Variants in WEE2 observed in about 807,000 individuals in gnomAD.
The protein encoded by WEE2 is WEE2 oocyte meiosis inhibiting kinase.
WEE2 carries 50 observed loss-of-function variants against 60.1 expected under a neutral mutation model. The ratio of observed to expected loss-of-function variants is 0.83; its 90% CI spans 0.66 to 1.05. The LOEUF (loss-of-function observed/expected upper bound fraction) is 1.05. Ranked by LOEUF, WEE2 falls within the 50% of genes least tolerant of loss-of-function variation. The pLI is 0.00. For synonymous variants in WEE2, 240 were observed against 241.0 expected, an observed-to-expected ratio of 1.00 and a Z score of 0.04; for missense variants, 631 against 684.3, an observed-to-expected ratio of 0.92 and a Z score of 0.87.
intron 1 of WEE2, among the ~76,000 whole-genome samples, chr7:141,710,582 T>C (rs999676134): frequency 6.6e-6 from 1 of 152,182 alleles, no homozygotes; most frequent in African/African-American, 2.4e-5. Context: ...TTGAGCATGA[T>C]GAGAAGGAAT....
rs369051862 is a variant in WEE2 at position 141,719,150 on chromosome 7, G to A, written c.664G>A (p.Glu222Lys). The part of the protein sequence containing the change: ...FLEVEKIGVG[E>K]FGTVYKCIKR... ...GGAGGTTGAAAAAATTGGGGTTGGC[G>A]AATTTGGTACAGTCTACAAGTGCAT... The change falls in exon 4 of 12, where the codon GAA becomes AAA. Residue 222 changes from glutamate to lysine, a missense_variant. Glu to Lys is a moderately conservative substitution (Grantham distance 56). Transcript: ENST00000397541. 6.8e-6 allele frequency: 11 copies of A among 1,613,948 alleles called. No homozygotes were observed. Among genetic ancestry groups the A allele is most frequent in the East Asian group, 2.2e-5 (1 of 44,874 alleles).
rs1798711650 is a variant in WEE2, at chr7:141,711,570, A to C, written c.342+2470A>C. ...TTCACTGTAAGGACTTCCTGACAGAATCATCTAGAGATAGAAGAGCATGCT... is the reference window on the plus strand; with the variant it reads ...TTCACTGTAAGGACTTCCTGACAGACTCATCTAGAGATAGAAGAGCATGCT... On this transcript the variant is annotated intron_variant, in intron 1 of 11. Coordinates refer to ENST00000397541, the MANE Select transcript of WEE2 (RefSeq NM_001105558.1). The surrounding 1 kb of genome is among the most constrained non-coding windows in gnomAD (Gnocchi z 4.2). Among the ~76,000 whole-genome samples, 1 of 152,204 alleles carries C rather than the reference A, an allele frequency of 6.6e-6. No individual in the cohort carries two copies.
At chr7:141,719,778 G>T (rs372262445) in intron 4 of WEE2, among the ~76,000 whole-genome samples, 14 of 151,900 alleles carry the variant, frequency 9.2e-5, no homozygotes, top group African/African-American at 3.4e-4. Flanking sequence ...GTTTTGTTTT[G>T]TTTTTTTGTG....
Position 141,719,527 on chromosome 7 carries a change from T to C in WEE2, c.758+283T>C, listed in dbSNP as rs12670314. ...GTGCAGTGGTGTGATCTTGGCTCAC[T>C]GCAATCTCCACCTCCTGGGTTCAAG... On this transcript the variant is annotated intron_variant, in intron 4 of 11. Transcript: ENST00000397541. 3.1e-3 allele frequency among the ~76,000 whole-genome samples: 479 copies of C among 152,326 alleles called. 7 individuals carry two copies. The highest frequency in any genetic ancestry group is 0.024 in the East Asian group (122 of 5,186).
At position 141,723,938 on chromosome 7, in the gene WEE2, C is replaced by T. The variant is rs1438703954; in HGVS notation, c.1028-3C>T. 4 of 1,562,472 alleles carry T rather than the reference C, an allele frequency of 2.6e-6. No individual in the cohort carries two copies. Among genetic ancestry groups the T allele is most frequent in the Admixed American group, 1.9e-5 (1 of 51,944 alleles). ...TACATCTATCCTGTCATTTTTTTTT[C>T]AGGTAATATATTCATTTGTCACAAG... On this transcript the variant is annotated splice_polypyrimidine_tract_variant and splice_region_variant and intron_variant, in intron 6 of 11. Coordinates refer to ENST00000397541, the MANE Select transcript of WEE2 (RefSeq NM_001105558.1).
intron 10 of WEE2, 80 bp from the exon 11 acceptor site, chr7:141,729,451 A>T: frequency 2.6e-6 from 4 of 1,565,020 alleles, no homozygotes; most frequent in Non-Finnish European, 3.5e-6. Flanking sequence ...AAGAAGAAAA[A>T]CATTTATATA....
chr7:141,720,095 A>G (rs1219431170), intron 4 of WEE2, among the ~76,000 whole-genome samples: 3 of 149,668 alleles, frequency 2.0e-5, no homozygotes, highest in South Asian at 4.2e-4. Flanking sequence ...TATACTTAAC[A>G]TGCAGAATCT....
At chr7:141,714,119 G>C in intron 1 of WEE2, 90 bp from the exon 2 acceptor site, 1 of 1,152,132 alleles carries the variant, frequency 8.7e-7, no homozygotes, top group African/African-American at 1.6e-5. Flanking sequence ...TTCAGCAAAA[G>C]CATTCTTAGA....
chr7:141,723,395 C>T, intron 6 of WEE2, 115 bp downstream of exon 6: 1 of 1,127,554 alleles, frequency 8.9e-7, no homozygotes, highest in Non-Finnish European at 1.2e-6. Context: ...TGGCAGAACC[C>T]CTTTCTTCCA....
In WEE2 at chr7:141,729,542, A is replaced by C; in HGVS notation, c.1547A>C (p.Glu516Ala). Reference sequence around the variant, plus strand: ...CCCTCGCACTTCAGGGAACTGAGAGAAGCCCAGCAGGCCCAGTCACCCCAG... The same window carrying C: ...CCCTCGCACTTCAGGGAACTGAGAGCAGCCCAGCAGGCCCAGTCACCCCAG... ...KTATLERELR[E>A]AQQAQSPQGY... The change falls in exon 11 of 12, where the codon GAA becomes GCA. Residue 516 changes from glutamate (E) to alanine (A), a missense_variant. By Grantham distance (107) the Glu-to-Ala change is moderately radical. Coordinates refer to ENST00000397541, the MANE Select transcript of WEE2 (RefSeq NM_001105558.1). 6.2e-7 allele frequency: 1 copy of C among 1,614,220 alleles called. No homozygotes were observed.
At chr7:141,709,258 A>G (rs1275110368) in intron 1 of WEE2, among the ~76,000 whole-genome samples, 158 bp downstream of exon 1, 2 of 152,234 alleles carry the variant, frequency 1.3e-5, no homozygotes, top group East Asian at 3.8e-4. Flanking sequence ...AATTAAAATT[A>G]CCAGAAAATG....
rs747245796 is a variant in WEE2 at position 141,709,137 on chromosome 7, C to T, written c.342+37C>T. The T allele has an allele frequency of 8.3e-6, 13 of 1,566,880 alleles. No individual in the cohort carries two copies. The African/African-American group carries it at 1.6e-4, about 20-fold the overall frequency. ...GTGGGGGAAAAAGGGACGCAGGTCG[C>T]CAAGCTCTGCTTTCCTGTAGTTTAG... On this transcript the variant is annotated intron_variant, in intron 1 of 11. Transcript: ENST00000397541.
Position 141,727,312 on chromosome 7 carries a change from C to A in WEE2, c.1401C>A (p.Ile467=), listed in dbSNP as rs1799034833. The A allele has an allele frequency of 6.2e-7, 1 of 1,613,938 alleles. No homozygotes were observed. Reference sequence around the variant, plus strand: ...TGGTCCTATATCATCAGAACATGATCCAACCTGATGCCGAACAGAGACCTT... The same window carrying A: ...TGGTCCTATATCATCAGAACATGATACAACCTGATGCCGAACAGAGACCTT... ...ESFSSLLKNM[I]QPDAEQRPSA... is the part of the protein sequence containing the mutation. The change falls in exon 10 of 12, where the codon ATC becomes ATA. Residue 467 remains isoleucine (I), a synonymous_variant. Coordinates refer to ENST00000397541, the MANE Select transcript of WEE2 (RefSeq NM_001105558.1).
rs149718792 is a variant in WEE2, at chr7:141,720,862, A to G, written c.759-73A>G. 258 of 1,557,234 alleles carry G rather than the reference A, an allele frequency of 1.7e-4. 3 individuals carry two copies. The East Asian group carries it at 5.2e-3, about 31-fold the overall frequency. ...TCTGCCATTGCTAGTAAAGCCTCAT[A>G]TTTTTAAGAAACATTTTTGTGTGCA... On this transcript the variant is annotated intron_variant, in intron 4 of 11. Coordinates refer to ENST00000397541, the MANE Select transcript of WEE2 (RefSeq NM_001105558.1).
At chr7:141,722,132 G>A (rs1445502221) in intron 5 of WEE2, among the ~76,000 whole-genome samples, 3 of 152,124 alleles carry the variant, frequency 2.0e-5, no homozygotes, top group Admixed American at 6.5e-5. Flanking sequence ...GAGGCCGGGC[G>A]CAATGGCTCA....
In WEE2 at chr7:141,724,274, A is replaced by G. The variant is rs776207184; in HGVS notation, c.1220A>G (p.Glu407Gly). ...TTCCTGGCTAATGAGATTTTGCAAG[A>G]GGTATAGATTAGGGAAATGGAGGGT... is the stretch of plus-strand genomic sequence containing the variant. ...SRFLANEILQ[E>G]DYRHLPKADI... is the part of the protein sequence containing the mutation. The change falls in exon 8 of 12, where the codon GAG (glutamate) becomes GGG (glycine). Residue 407 changes from glutamate (E) to glycine (G), a missense_variant and splice_region_variant. Glu to Gly is a moderately conservative substitution (Grantham distance 98). Transcript: ENST00000397541. 1.2e-6 allele frequency: 2 copies of G among 1,612,320 alleles called. No homozygotes were observed. Among genetic ancestry groups the G allele is most frequent in the South Asian group, 1.1e-5 (1 of 90,572 alleles).
chr7:141,721,189 A>G, intron 5 of WEE2, 133 bp downstream of exon 5: 1 of 1,045,556 alleles, frequency 9.6e-7, no homozygotes, highest in Non-Finnish European at 1.4e-6. Flanking sequence ...ACTATATATT[A>G]TAGTCTTGCT....
At position 141,730,442 on chromosome 7, in the gene WEE2, T is replaced by A; in HGVS notation, c.*122T>A. On this transcript the variant is annotated 3_prime_UTR_variant, in exon 12 of 12. Transcript: ENST00000397541. ...GAAAGGAATAGAATTTAGTTTAGAG[T>A]TGAAGTCACAGCTTACAGAAAATGT... is the stretch of plus-strand genomic sequence containing the variant. 2.3e-6 allele frequency: 2 copies of A among 866,758 alleles called. No individual in the cohort carries two copies. The highest frequency in any genetic ancestry group is 3.6e-6 in the Non-Finnish European group (2 of 548,434). 53.7% of individuals were successfully genotyped at this position (866,758 alleles called of 1,614,324 possible).
chr7:141,725,490 T>C (rs1798998283), intron 9 of WEE2, among the ~76,000 whole-genome samples: 1 of 151,948 alleles, frequency 6.6e-6, no homozygotes, highest in Non-Finnish European at 1.5e-5. Context: ...CCGGGCATGG[T>C]GGCAGGCACC....
Sources: allele counts gnomAD v4.1 joint callset (sites outside exome capture counted in the v4.1 genomes callset), GRCh38; gene constraint gnomAD v4.1.1; non-coding constraint Gnocchi (gnomAD v3.1); transcripts MANE v1.5; gene names NCBI Gene and HGNC (gene_info 2026-07-23, HGNC 2026-07-21).